MNAT1: variants seen among roughly 807,000 people sequenced by gnomAD.
The protein encoded by MNAT1 is CDK-activating kinase assembly factor MAT1.
MNAT1 carries 43 observed loss-of-function variants against 42.0 expected under a neutral mutation model. That is an observed-to-expected ratio of 1.02 (90% CI 0.80 to 1.32). MNAT1 has a LOEUF of 1.32. MNAT1 is among the 40% of genes most tolerant of loss of function. The pLI, the probability that MNAT1 is intolerant of heterozygous loss-of-function variation, is 0.00. For missense variants in MNAT1, 306 were observed against 350.4 expected (o/e 0.87, Z 1.01); for synonymous variants, 118 against 120.0 (o/e 0.98, Z 0.11).
At chr14:60,799,002 T>C (rs554189118) in intron 3 of MNAT1, among the ~76,000 whole-genome samples, 1 of 152,310 alleles carries the variant, frequency 6.6e-6, no homozygotes, top group African/African-American at 2.4e-5. Context: ...GATTTATATA[T>C]GATAAACTTA....
chr14:60,950,382 T>A (rs1327745337), intron 7 of MNAT1, among the ~76,000 whole-genome samples: 2 of 152,210 alleles, frequency 1.3e-5, no homozygotes, highest in African/African-American at 4.8e-5. Context: ...CAAGTATTTA[T>A]ATTTTAAATA....
intron 1 of MNAT1, among the ~76,000 whole-genome samples, chr14:60,738,393 C>T (rs999033380): frequency 6.6e-5 from 10 of 151,238 alleles, no homozygotes; most frequent in African/African-American, 2.2e-4. Flanking sequence ...GTAGCTGGGA[C>T]TACAGTCGCA....
intron 6 of MNAT1, among the ~76,000 whole-genome samples, chr14:60,821,340 T>A (rs970024532): frequency 1.3e-5 from 2 of 152,170 alleles, no homozygotes; most frequent in African/African-American, 4.8e-5. Flanking sequence ...GTCTTATGGG[T>A]ACACTGTTTA....
intron 6 of MNAT1, among the ~76,000 whole-genome samples, chr14:60,851,644 A>G (rs1398315823): frequency 6.6e-6 from 1 of 152,096 alleles, no homozygotes; most frequent in Non-Finnish European, 1.5e-5. Flanking sequence ...TCAACCAATC[A>G]TCTAGGTTTT....
chr14:60,770,464 GTTTTAT>G (rs1351262075), intron 1 of MNAT1, among the ~76,000 whole-genome samples: 2 of 152,180 alleles, frequency 1.3e-5, no homozygotes, highest in Non-Finnish European at 2.9e-5. Flanking sequence ...TCATATGGTA[GTTTTAT>G]TTTAAAGTTT....
intron 7 of MNAT1, among the ~76,000 whole-genome samples, chr14:60,918,198 CT>C (rs386381525): frequency 2.7e-3 from 132 of 48,596 alleles, no homozygotes; most frequent in African/African-American, 7.7e-3. Context: ...ATTAATTGTT[CT>C]TTTTTTTTTT....
intron 1 of MNAT1, among the ~76,000 whole-genome samples, chr14:60,755,879 T>G (rs1594727392): frequency 6.6e-6 from 1 of 152,162 alleles, no homozygotes; most frequent in African/African-American, 2.4e-5. Context: ...CAGAGTGACA[T>G]CTCTCATTTT....
chr14:60,745,929 C>A (rs180873524), intron 1 of MNAT1, among the ~76,000 whole-genome samples: 3 of 152,220 alleles, frequency 2.0e-5, no homozygotes, highest in East Asian at 3.9e-4. Flanking sequence ...GAATTGGTGC[C>A]TCCTGTCTTC....
intron 6 of MNAT1, among the ~76,000 whole-genome samples, chr14:60,837,896 A>G (rs1377233263): frequency 6.6e-6 from 1 of 152,254 alleles, no homozygotes; most frequent in Non-Finnish European, 1.5e-5. Context: ...AAAGCATTAT[A>G]AGACGGTTCT....
intron 1 of MNAT1, among the ~76,000 whole-genome samples, chr14:60,768,649 G>A (rs2030931793): frequency 6.6e-6 from 1 of 152,090 alleles, no homozygotes. Context: ...CTCTTTATTC[G>A]TTATCTCATT....
At chr14:60,912,168 T>G (rs1469150095) in intron 7 of MNAT1, among the ~76,000 whole-genome samples, 32 of 152,196 alleles carry the variant, frequency 2.1e-4, no homozygotes. Flanking sequence ...GTTTTCCGTT[T>G]GCTTGGTAGA....
intron 6 of MNAT1, among the ~76,000 whole-genome samples, chr14:60,865,132 G>A (rs543283648): frequency 6.6e-6 from 1 of 152,044 alleles, no homozygotes; most frequent in East Asian, 1.9e-4. Context: ...ATAAAATGTG[G>A]TCTCTTAAAT....
intron 6 of MNAT1, among the ~76,000 whole-genome samples, chr14:60,832,994 A>C (rs1023621244): frequency 2.0e-5 from 3 of 152,078 alleles, no homozygotes; most frequent in African/African-American, 7.2e-5. Flanking sequence ...TTGTTGTTGT[A>C]TAGGAATGCT....
chr14:60,799,926 A>G (rs2032149154), intron 3 of MNAT1, among the ~76,000 whole-genome samples: 1 of 152,182 alleles, frequency 6.6e-6, no homozygotes, highest in East Asian at 1.9e-4. Context: ...TGATTCTGCT[A>G]TTATGTGTAT....
rs117455184 is a variant in MNAT1 at position 60,826,695 on chromosome 14, T to G, written c.687+7848T>G. 5.9e-3 allele frequency among the ~76,000 whole-genome samples: 904 copies of G among 152,266 alleles called. 6 individuals are homozygous for G. The highest frequency in any genetic ancestry group is 0.011 in the Non-Finnish European group (736 of 68,018). ...AACTCTTAAAGTGAGAGCTACAACT[T>G]TGTTTCTTGGCCAGGTGTTAGTTAT... On this transcript the variant is annotated intron_variant, in intron 6 of 7. Transcript: ENST00000261245.
At chr14:60,854,122 T>A (rs1389560520) in intron 6 of MNAT1, among the ~76,000 whole-genome samples, 1 of 152,222 alleles carries the variant, frequency 6.6e-6, no homozygotes, top group Non-Finnish European at 1.5e-5. Context: ...CTTCACGAAG[T>A]TCTCGTGCTG....
intron 3 of MNAT1, chr14:60,799,522 G>A (rs1053646316): frequency 5.4e-5 from 27 of 502,090 alleles, no homozygotes; most frequent in African/African-American, 5.0e-4. Context: ...AAGCAATAAA[G>A]GGAAAGGAAA....
chr14:60,870,672 A>G (rs796379654), intron 6 of MNAT1, among the ~76,000 whole-genome samples: 36 of 152,228 alleles, frequency 2.4e-4, no homozygotes, highest in African/African-American at 8.4e-4. Context: ...CTACTTGGAT[A>G]TTTTATAGGC....
At chr14:60,823,673 A>C (rs2032970895) in intron 6 of MNAT1, among the ~76,000 whole-genome samples, 1 of 152,028 alleles carries the variant, frequency 6.6e-6, no homozygotes, top group Non-Finnish European at 1.5e-5. Context: ...AGCCTGGGCA[A>C]CATGGCAAAA....
Sources: allele counts gnomAD v4.1 joint callset (sites outside exome capture counted in the v4.1 genomes callset), GRCh38; gene constraint gnomAD v4.1.1; transcripts MANE v1.5; gene names NCBI Gene and HGNC (gene_info 2026-07-23, HGNC 2026-07-21).